The following KCND2 variants were observed in gnomAD, a reference collection of about 807,000 sequenced individuals.
KCND2 encodes potassium voltage-gated channel subfamily D member 2.
A neutral mutation model predicts 54.4 loss-of-function variants in KCND2; 16 were observed. The ratio of observed to expected loss-of-function variants is 0.29; its 90% CI spans 0.20 to 0.45. The LOEUF is 0.45. Ranked by LOEUF, KCND2 falls within the 20% of genes least tolerant of loss-of-function variation. KCND2 has a pLI of 1.00. For missense variants in KCND2, 486 were observed against 824.2 expected, an observed-to-expected ratio of 0.59 and a Z score of 5.02; for synonymous variants, 317 against 310.7, an observed-to-expected ratio of 1.02 and a Z score of -0.21.
chr7:120,403,613 A>C (rs113400808), intron 1 of KCND2, among the ~76,000 whole-genome samples: 4,058 of 151,832 alleles, frequency 0.027, 84 homozygotes, highest in Non-Finnish European at 0.045. Flanking sequence ...TACTGGCATG[A>C]GCCACCATGC....
At chr7:120,414,286 C>A (rs1801495257) in intron 1 of KCND2, among the ~76,000 whole-genome samples, 2 of 152,132 alleles carry the variant, frequency 1.3e-5, no homozygotes, top group South Asian at 4.1e-4. Context: ...AGTGGATTAT[C>A]CTACTTTTCA....
intron 1 of KCND2, among the ~76,000 whole-genome samples, chr7:120,343,342 A>G (rs1179724686): frequency 3.3e-5 from 5 of 152,168 alleles, no homozygotes; most frequent in African/African-American, 1.2e-4. Flanking sequence ...ACTCTGTGGC[A>G]TAAAAAATGT....
At chr7:120,490,650 C>T (rs949122938) in intron 1 of KCND2, among the ~76,000 whole-genome samples, 2 of 152,092 alleles carry the variant, frequency 1.3e-5, no homozygotes, top group Non-Finnish European at 2.9e-5. Flanking sequence ...CACATAAAGT[C>T]TTAAGGTGCA....
At chr7:120,436,187 CCAT>C (rs763482944) in intron 1 of KCND2, among the ~76,000 whole-genome samples, 4 of 152,058 alleles carry the variant, frequency 2.6e-5, no homozygotes, top group Non-Finnish European at 4.4e-5. Context: ...AAAATATTGG[CCAT>C]CATTCTTGTT....
At chr7:120,546,916 G>A (rs974237400) in intron 1 of KCND2, among the ~76,000 whole-genome samples, 1 of 150,814 alleles carries the variant, frequency 6.6e-6, no homozygotes, top group Non-Finnish European at 1.5e-5. Context: ...TTTAAAAATT[G>A]TGCTCTCATC....
chr7:120,585,497 CAT>C lies in KCND2; in HGVS notation c.1116-147403_1116-147402del, dbSNP rs1427817972. Among the ~76,000 whole-genome samples, 3 of 152,108 alleles carry C rather than the reference CAT, an allele frequency of 2.0e-5. No homozygotes were observed. The East Asian group carries it at 5.8e-4, about 29-fold the overall frequency. On this transcript the variant is annotated intron_variant, in intron 1 of 5. Transcript: ENST00000331113. ...GAATAGAGGAAAGAATGCAGAGAAA[CAT>C]ATGGTGCTTGGACATAGTAGAGAAA...
At chr7:120,434,863 A>G (rs147335974) in intron 1 of KCND2, among the ~76,000 whole-genome samples, 13 of 152,242 alleles carry the variant, frequency 8.5e-5, no homozygotes, top group South Asian at 8.3e-4. Context: ...TTACCCTAAA[A>G]TAGCATTTCC....
At chr7:120,340,581 C>G (rs1311414635) in intron 1 of KCND2, among the ~76,000 whole-genome samples, 1 of 152,152 alleles carries the variant, frequency 6.6e-6, no homozygotes, top group Non-Finnish European at 1.5e-5. Context: ...AGTGTGGCGT[C>G]ATGGAAGCCA....
intron 1 of KCND2, among the ~76,000 whole-genome samples, chr7:120,731,013 A>G (rs766117093): frequency 6.6e-6 from 1 of 152,182 alleles, no homozygotes; most frequent in Non-Finnish European, 1.5e-5. Flanking sequence ...CAGAGTAAGC[A>G]TGGAGTAGTT....
intron 1 of KCND2, among the ~76,000 whole-genome samples, chr7:120,598,717 C>A (rs996395694): frequency 2.0e-5 from 3 of 152,078 alleles, no homozygotes; most frequent in African/African-American, 7.2e-5. Flanking sequence ...TGTCTGTATA[C>A]ATTTCTTTAT....
intron 1 of KCND2, among the ~76,000 whole-genome samples, chr7:120,280,986 T>A (rs1330436162): frequency 6.6e-6 from 1 of 152,116 alleles, no homozygotes; most frequent in East Asian, 1.9e-4. Flanking sequence ...GGGTTTATCA[T>A]AATGGTGCCC....
intron 1 of KCND2, among the ~76,000 whole-genome samples, chr7:120,619,949 G>A (rs1406844590): frequency 6.6e-6 from 1 of 152,106 alleles, no homozygotes; most frequent in Non-Finnish European, 1.5e-5. Flanking sequence ...AAAAGAAGAG[G>A]CTGAATAGAA....
At chr7:120,295,676 A>G (rs1231166703) in intron 1 of KCND2, among the ~76,000 whole-genome samples, 3 of 151,980 alleles carry the variant, frequency 2.0e-5, no homozygotes, top group Non-Finnish European at 2.9e-5. Context: ...ATATACAAAT[A>G]CCTGTTATTA....
At chr7:120,416,899 G>A (rs879822905) in intron 1 of KCND2, among the ~76,000 whole-genome samples, 1 of 152,150 alleles carries the variant, frequency 6.6e-6, no homozygotes, top group Admixed American at 6.5e-5. Flanking sequence ...AGGTTGGAGT[G>A]CAGTGGCGCA....
chr7:120,613,813 G>A (rs189761046), intron 1 of KCND2, among the ~76,000 whole-genome samples: 5 of 152,014 alleles, frequency 3.3e-5, no homozygotes, highest in South Asian at 2.1e-4. Flanking sequence ...CCACTTCCTC[G>A]CAAATATACT....
chr7:120,275,848 C>T, intron 1 of KCND2, 101 bp downstream of exon 1: 2 of 1,333,022 alleles, frequency 1.5e-6, no homozygotes, highest in Non-Finnish European at 2.1e-6. Flanking sequence ...CATTTGTTTT[C>T]TTTCCTGAGT....
chr7:120,311,078 TTTG>T (rs1369615348), intron 1 of KCND2, among the ~76,000 whole-genome samples: 2 of 152,160 alleles, frequency 1.3e-5, no homozygotes, highest in African/African-American at 4.8e-5. Context: ...CAGTTTATAT[TTTG>T]TTAAGTTGGC....
rs1348018992 is a variant in KCND2, at chr7:120,479,805, A to C, written c.1115+204058A>C. Among the ~76,000 whole-genome samples the C allele has an allele frequency of 8.3e-4, 123 of 148,730 alleles. No individual in the cohort carries two copies. In the Middle Eastern group the frequency reaches 0.01, roughly 12 times the overall value. On this transcript the variant is annotated intron_variant, in intron 1 of 5. Coordinates refer to ENST00000331113, the MANE Select transcript of KCND2 (RefSeq NM_012281.3). ...AAACTATACACACACACAAAAAAAA[A>C]AAAAAAAAAAAAAATTAGCCTGGTG...
At chr7:120,464,214 G>C in intron 1 of KCND2, 1 of 248,250 alleles carries the variant, frequency 4.0e-6, no homozygotes, top group Non-Finnish European at 6.3e-6. Context: ...ATTTTGATTT[G>C]ACTGGTCAAG....
Sources: allele counts gnomAD v4.1 joint callset (sites outside exome capture counted in the v4.1 genomes callset), GRCh38; gene constraint gnomAD v4.1.1; transcripts MANE v1.5; gene names NCBI Gene and HGNC (gene_info 2026-07-23, HGNC 2026-07-21).